MTRF1: variants seen among roughly 807,000 people sequenced by gnomAD.
MTRF1 encodes peptide chain release factor 1, mitochondrial.
In MTRF1, 51 loss-of-function variants were observed where a neutral mutation model predicts 62.9. The ratio of observed to expected loss-of-function variants is 0.81; its 90% CI spans 0.65 to 1.02. MTRF1 has a LOEUF of 1.02. Among genes scored for constraint, MTRF1 ranks in the 50% least tolerant of loss-of-function variants. MTRF1 has a pLI of 0.00. For synonymous variants in MTRF1, 158 were observed against 181.9 expected (o/e 0.87, Z 1.06); for missense variants, 446 against 530.0 (o/e 0.84, Z 1.56).
chr13:41,263,996 T>C (rs2040744536), upstream of MTRF1, among the ~76,000 whole-genome samples: 1 of 152,230 alleles, frequency 6.6e-6, no homozygotes, highest in African/African-American at 2.4e-5. Context: ...TTTACGATTC[T>C]GATTAAGAGA....
chr13:41,275,686 T>C, the MTRF1 span, among the ~76,000 whole-genome samples: 1 of 151,606 alleles, frequency 6.6e-6, no homozygotes, highest in Non-Finnish European at 1.5e-5. Context: ...AGAGACAGGG[T>C]TTCACCATGT....
chr13:41,263,335 G>T, intron 1 of MTRF1, 150 bp downstream of exon 1: 1 of 1,288,478 alleles, frequency 7.8e-7, no homozygotes, highest in Non-Finnish European at 1.0e-6. Flanking sequence ...TGATGCTTTG[G>T]GGAAAGTTCT....
At position 41,260,469 on chromosome 13, in the gene MTRF1, G is replaced by A. The variant is rs763284287; in HGVS notation, c.415+24C>T. 21 of 1,581,746 alleles carry A rather than the reference G, an allele frequency of 1.3e-5. No homozygotes were observed. The South Asian group carries it at 1.9e-4, about 15-fold the overall frequency. The stretch of plus-strand genomic sequence containing the variant: ...TTTTTTTTTCATAGCCCTTATGCAG[G>A]ACACATAAGTATCTTTTACCTACTT... On this transcript the variant is annotated intron_variant, in intron 2 of 9. Coordinates refer to ENST00000379480, the MANE Select transcript of MTRF1 (RefSeq NM_004294.4).
intron 2 of MTRF1, among the ~76,000 whole-genome samples, chr13:41,256,464 T>A (rs908814029): frequency 2.0e-5 from 3 of 151,966 alleles, no homozygotes; most frequent in Non-Finnish European, 2.9e-5. Flanking sequence ...GTAGTTGAGA[T>A]TACAGGCGCG....
intron 7 of MTRF1, among the ~76,000 whole-genome samples, chr13:41,231,608 A>T (rs566310982): frequency 1.2e-4 from 18 of 152,328 alleles, no homozygotes; most frequent in African/African-American, 4.3e-4. Context: ...GGGGGTCCCT[A>T]ATAAAAAAGC....
At chr13:41,311,275 C>T in the MTRF1 span, 3 of 553,262 alleles carry the variant, frequency 5.4e-6, no homozygotes, top group Non-Finnish European at 9.5e-6. Context: ...TTGCAGTGCG[C>T]GGGAACCGCC....
At chr13:41,220,634 G>A (rs2033136793) in intron 9 of MTRF1, 4 of 1,279,322 alleles carry the variant, frequency 3.1e-6, no homozygotes, top group African/African-American at 1.5e-5. Flanking sequence ...CCCGTGGAAT[G>A]AGACTGAGCC....
intron 6 of MTRF1, among the ~76,000 whole-genome samples, chr13:41,236,944 A>G (rs4942027): frequency 0.72 from 108,877 of 152,076 alleles, 39,287 homozygotes; most frequent in African/African-American, 0.74. Context: ...CAGGCCCGGC[A>G]CTGTGGCTCA....
chr13:41,291,275 C>G, the MTRF1 span, among the ~76,000 whole-genome samples: 1 of 152,078 alleles, frequency 6.6e-6, no homozygotes, highest in East Asian at 1.9e-4. Flanking sequence ...CCTCCCAGGC[C>G]CAAGTGATCT....
the MTRF1 span, among the ~76,000 whole-genome samples, chr13:41,276,709 A>G: frequency 2.0e-5 from 3 of 151,946 alleles, no homozygotes; most frequent in Non-Finnish European, 2.9e-5. Flanking sequence ...CTTCCCCCAA[A>G]CTCAACTGCC....
the MTRF1 span, chr13:41,311,473 G>C: frequency 6.5e-7 from 1 of 1,537,846 alleles, no homozygotes; most frequent in Non-Finnish European, 8.8e-7. Context: ...CCCGCGAAGC[G>C]GAGCGCCCGG....
chr13:41,253,141 G>C (rs558781522), intron 3 of MTRF1, 111 bp from the exon 4 acceptor site: 21 of 774,992 alleles, frequency 2.7e-5, no homozygotes, highest in Non-Finnish European at 4.1e-5. Context: ...AAATCATATA[G>C]TATCCCAAAC....
chr13:41,299,668 C>T, the MTRF1 span, among the ~76,000 whole-genome samples: 4 of 151,978 alleles, frequency 2.6e-5, no homozygotes, highest in East Asian at 7.7e-4. Context: ...GAATTTCGAT[C>T]ACTCAAGAAG....
the MTRF1 span, among the ~76,000 whole-genome samples, chr13:41,279,822 A>G: frequency 4.6e-5 from 7 of 152,140 alleles, no homozygotes; most frequent in Non-Finnish European, 1.0e-4. Flanking sequence ...CTAGGATATA[A>G]TCAACTAAGA....
the MTRF1 span, among the ~76,000 whole-genome samples, chr13:41,273,299 C>G: frequency 6.7e-6 from 1 of 150,062 alleles, no homozygotes; most frequent in African/African-American, 2.5e-5. Context: ...GCACTCCAGC[C>G]TGGGCTACAG....
the MTRF1 span, among the ~76,000 whole-genome samples, chr13:41,292,580 CAAAA>C: frequency 9.8e-5 from 6 of 61,244 alleles, no homozygotes; most frequent in Admixed American, 8.1e-4. Flanking sequence ...GATTCTGTCT[CAAAA>C]AAAAAAAAAA....
the MTRF1 span, among the ~76,000 whole-genome samples, chr13:41,294,142 G>A: frequency 6.6e-6 from 1 of 151,996 alleles, no homozygotes; most frequent in Admixed American, 6.6e-5. Context: ...CAAAGTGGCT[G>A]GGCACTGTGG....
At chr13:41,225,263 G>A (rs1002627403) in intron 8 of MTRF1, among the ~76,000 whole-genome samples, 7 of 151,728 alleles carry the variant, frequency 4.6e-5, no homozygotes, top group South Asian at 2.1e-4. Context: ...ATGTTAAACG[G>A]CAAGTAAATC....
chr13:41,226,869 T>G (rs548242886), intron 7 of MTRF1, among the ~76,000 whole-genome samples: 1 of 152,356 alleles, frequency 6.6e-6, no homozygotes. Flanking sequence ...CGGGCATTTC[T>G]GCAGCTCAAC....
Sources: gnomAD v4.1 joint callset for allele counts (sites outside exome capture counted in the v4.1 genomes callset) on GRCh38, gnomAD v4.1.1 for gene constraint, MANE v1.5 for transcripts, NCBI Gene and HGNC (gene_info 2026-07-23, HGNC 2026-07-21) for gene names.